LTN1: variants seen among roughly 807,000 people sequenced by gnomAD.
The protein encoded by LTN1 is listerin E3 ubiquitin protein ligase 1.
In LTN1, 88 loss-of-function variants were observed where a neutral mutation model predicts 201.2. The ratio of observed to expected loss-of-function variants is 0.44; its 90% CI spans 0.37 to 0.52. LTN1 has a LOEUF of 0.52. Ranked by LOEUF, LTN1 falls within the 20% of genes least tolerant of loss-of-function variation. LTN1 has a pLI of 0.00. For synonymous variants in LTN1, 645 were observed against 713.5 expected, an observed-to-expected ratio of 0.90 and a Z score of 1.53; for missense variants, 1,752 against 2,038.7, an observed-to-expected ratio of 0.86 and a Z score of 2.71.
rs369093371 is a variant in LTN1, at chr21:28,936,513, A to G, written c.4654+13T>C. On this transcript the variant is annotated intron_variant, in intron 26 of 29. Transcript: ENST00000361371. ...AGTGTCCAAGAAAGAACATAAACAC[A>G]TATCTTACTGACCTCTAATACTCAG... 9.7e-5 allele frequency: 155 copies of G among 1,597,662 alleles called. No homozygotes were observed. In the African/African-American group the frequency reaches 1.8e-3, roughly 19 times the overall value.
chr21:28,943,248 T>A lies in LTN1; in HGVS notation c.4295+14A>T. On this transcript the variant is annotated intron_variant, in intron 24 of 29. Transcript: ENST00000361371. ...TAAGAATTTAATAAAACAAATTATTTAAAAAAACCTTACAAGGCTGGCTCT... is the reference window on the plus strand; with the variant it reads ...TAAGAATTTAATAAAACAAATTATTAAAAAAAACCTTACAAGGCTGGCTCT... The A allele has an allele frequency of 1.9e-6, 3 of 1,543,856 alleles. No homozygotes were observed. The highest frequency in any genetic ancestry group is 2.7e-6 in the Non-Finnish European group (3 of 1,122,652).
chr21:28,936,733 T>A (rs760972197), intron 25 of LTN1, 36 bp from the exon 26 acceptor site: 24 of 1,536,928 alleles, frequency 1.6e-5, no homozygotes, highest in Non-Finnish European at 1.8e-5. Context: ...GTAAACCAAA[T>A]ACACCAAGAC....
chr21:28,941,265 G>A lies in LTN1; in HGVS notation c.4437C>T (p.Leu1479=), dbSNP rs1023765278. The change falls in exon 25 of 30, where the codon CTC becomes CTT. Residue 1479 remains leucine, a synonymous_variant. Coordinates refer to ENST00000361371, the MANE Select transcript of LTN1 (RefSeq NM_015565.3). ...EDFCYVLGYL[L]TWKLILTFFK... ...AGAAAGTTAGTATTAATTTCCAAGT[G>A]AGAAGGTATCCCAGAACATAACAGA... The A allele has an allele frequency of 1.9e-6, 3 of 1,612,118 alleles. No individual in the cohort carries two copies. The East Asian group carries it at 6.7e-5, about 36-fold the overall frequency.
chr21:28,968,947 G>A (rs530797930), intron 9 of LTN1, among the ~76,000 whole-genome samples: 22 of 151,738 alleles, frequency 1.4e-4, no homozygotes, highest in Admixed American at 8.5e-4. Flanking sequence ...CAGGCCGGGC[G>A]CGGTGGCTCA....
chr21:28,948,801 C>T (rs900611184), intron 18 of LTN1, among the ~76,000 whole-genome samples: 1 of 152,098 alleles, frequency 6.6e-6, no homozygotes, highest in East Asian at 1.9e-4. Flanking sequence ...TTAGGTTTCT[C>T]CCCTCCCCAA....
intron 24 of LTN1, among the ~76,000 whole-genome samples, chr21:28,942,516 G>T (rs564179537): frequency 1.3e-5 from 2 of 152,224 alleles, no homozygotes; most frequent in African/African-American, 4.8e-5. Context: ...ATAAGAGAGA[G>T]AAATTCCTGC....
chr21:28,944,618 A>T, intron 21 of LTN1, 22 bp from the exon 22 acceptor site: 1 of 1,541,146 alleles, frequency 6.5e-7, no homozygotes, highest in South Asian at 1.1e-5. Flanking sequence ...ATAAAAATGA[A>T]ATAGGTAAAC....
chr21:28,985,454 C>T (rs1418117361), intron 3 of LTN1, among the ~76,000 whole-genome samples: 3 of 148,220 alleles, frequency 2.0e-5, no homozygotes, highest in African/African-American at 7.5e-5. Flanking sequence ...AATGAGACTC[C>T]GTCTCAATTA....
intron 1 of LTN1, among the ~76,000 whole-genome samples, chr21:28,988,183 C>T (rs2084715560): frequency 6.7e-6 from 1 of 149,922 alleles, no homozygotes; most frequent in African/African-American, 2.5e-5. Context: ...ATTGCTCATA[C>T]CGGCCAGGCA....
Position 28,970,694 on chromosome 21 carries a change from A to G in LTN1, c.1033T>C (p.Ser345Pro). The G allele has an allele frequency of 6.2e-7, 1 of 1,614,062 alleles. No individual in the cohort carries two copies. Among genetic ancestry groups the G allele is most frequent in the South Asian group, 1.1e-5 (1 of 91,080 alleles). ...CGACCACCTTCACGAATCACAGTTG[A>G]TAGCTTGGGAAACACACTCTTTTTT... ...NAKKSVFPKL[S>P]TVIREGGRGL... Residue 345 changes from serine to proline, a missense_variant, in exon 8 of 30, where the codon TCA becomes CCA. Transcript: ENST00000361371.
intron 11 of LTN1, chr21:28,964,891 G>A: frequency 3.1e-6 from 4 of 1,299,732 alleles, no homozygotes; most frequent in South Asian, 3.9e-5. Context: ...TACAGGGAGA[G>A]AAGGCACTAG....
At chr21:28,958,651 A>C (rs1352234581) in intron 13 of LTN1, 112 bp from the exon 14 acceptor site, 1 of 749,356 alleles carries the variant, frequency 1.3e-6, no homozygotes, top group African/African-American at 1.8e-5. Flanking sequence ...ACCATTTAAA[A>C]AAGAAAAATT....
chr21:28,966,827 C>T lies in LTN1; in HGVS notation c.1664G>A (p.Cys555Tyr), dbSNP rs143352991. Residue 555 changes from cysteine (C) to tyrosine (Y), a missense_variant, in exon 10 of 30, where the codon TGT becomes TAT. Cys to Tyr is a radical substitution (Grantham distance 194, BLOSUM62 -2). Coordinates refer to ENST00000361371, the MANE Select transcript of LTN1 (RefSeq NM_015565.3). ...AATCTTCTCTCCTTCTGAAGATACA[C>T]ATTTTTCATTCTCTTTATTGCTTTC... is the stretch of plus-strand genomic sequence containing the variant. ...ILESNKENEK[C>Y]VSSEGEKIEG... The T allele has an allele frequency of 3.7e-6, 6 of 1,611,818 alleles. No homozygotes were observed. The Admixed American group carries it at 6.7e-5, about 18-fold the overall frequency.
chr21:28,957,232 T>C, intron 15 of LTN1, 100 bp downstream of exon 15: 1 of 1,197,214 alleles, frequency 8.4e-7, no homozygotes, highest in Non-Finnish European at 1.2e-6. Flanking sequence ...AGCAAAATAC[T>C]CATTTTATTT....
chr21:28,959,104 G>A (rs2084452153), intron 13 of LTN1, among the ~76,000 whole-genome samples: 1 of 152,106 alleles, frequency 6.6e-6, no homozygotes, highest in South Asian at 2.1e-4. Context: ...AAGATTGAAT[G>A]TTTTTACTAT....
chr21:28,988,160 C>A (rs76215290), intron 1 of LTN1, among the ~76,000 whole-genome samples: 47,846 of 114,484 alleles, frequency 0.42, 9,400 homozygotes, highest in African/African-American at 0.54. Flanking sequence ...AAAAAAACAA[C>A]AAAAAAAAAC....
intron 6 of LTN1, among the ~76,000 whole-genome samples, chr21:28,977,887 C>T (rs997567291): frequency 1.3e-5 from 2 of 151,182 alleles, no homozygotes; most frequent in Non-Finnish European, 2.9e-5. Context: ...GAGATCGTGC[C>T]ACTGCACTTC....
intron 25 of LTN1, 106 bp from the exon 26 acceptor site, chr21:28,936,803 A>C: frequency 1.3e-6 from 1 of 766,302 alleles, no homozygotes; most frequent in South Asian, 1.9e-5. Flanking sequence ...AAACTAGCAG[A>C]CATTCTATCC....
intron 5 of LTN1, 43 bp downstream of exon 5, chr21:28,982,273 A>G: frequency 6.5e-7 from 1 of 1,534,076 alleles, no homozygotes; most frequent in African/African-American, 1.4e-5. Flanking sequence ...TTATGAGTGA[A>G]ACAAATCCTT....
Sources: gnomAD v4.1 joint callset for allele counts (sites outside exome capture counted in the v4.1 genomes callset) on GRCh38, gnomAD v4.1.1 for gene constraint, MANE v1.5 for transcripts, NCBI Gene and HGNC (gene_info 2026-07-23, HGNC 2026-07-21) for gene names.